Variants in TCF12 observed in about 807,000 individuals in gnomAD.
TCF12 encodes transcription factor 12, also known as DNA-binding protein HTF4.
Under a neutral mutation model 86.0 loss-of-function variants are expected in TCF12, and 45 were observed. The observed-to-expected ratio is 0.52, with a 90% CI of 0.41 to 0.67. TCF12 has a LOEUF of 0.67. Among genes scored for constraint, TCF12 ranks in the 30% least tolerant of loss-of-function variants. TCF12 has a pLI of 0.00. For synonymous variants in TCF12, 330 were observed against 299.6 expected (o/e 1.10, Z -1.05); for missense variants, 881 against 859.9 (o/e 1.02, Z -0.31).
intron 4 of TCF12, among the ~76,000 whole-genome samples, chr15:57,077,502 A>G (rs1187831401): frequency 2.0e-5 from 3 of 149,628 alleles, no homozygotes; most frequent in Non-Finnish European, 4.4e-5. Flanking sequence ...TGTTTAATTT[A>G]TTAACTAAAT....
At chr15:57,098,016 A>T (rs1358282953) in intron 5 of TCF12, among the ~76,000 whole-genome samples, 5 of 147,912 alleles carry the variant, frequency 3.4e-5, no homozygotes, top group East Asian at 3.9e-4. Context: ...ATACAAAAAA[A>T]AAAAAAAAAA....
chr15:57,030,160 GATTA>G (rs1195794842), intron 3 of TCF12, among the ~76,000 whole-genome samples: 4 of 152,088 alleles, frequency 2.6e-5, no homozygotes, highest in African/African-American at 9.7e-5. Context: ...TTAATTAATT[GATTA>G]ATCAGTTGAT....
At chr15:57,056,720 A>G (rs2068060099) in intron 3 of TCF12, among the ~76,000 whole-genome samples, 1 of 151,180 alleles carries the variant, frequency 6.6e-6, no homozygotes, top group Non-Finnish European at 1.5e-5. Flanking sequence ...TGGCCTCCCA[A>G]AGTGCTGGGA....
At chr15:57,105,968 C>T (rs1041160484) in intron 5 of TCF12, among the ~76,000 whole-genome samples, 9 of 152,250 alleles carry the variant, frequency 5.9e-5, no homozygotes, top group African/African-American at 2.2e-4. Context: ...ACATGGGAGA[C>T]AGTAACAGCT....
intron 8 of TCF12, among the ~76,000 whole-genome samples, chr15:57,209,034 A>G (rs1414735270): frequency 6.6e-6 from 1 of 152,208 alleles, no homozygotes; most frequent in Non-Finnish European, 1.5e-5. Context: ...TTTTTGTTGC[A>G]TAATTGTTGT....
chr15:57,050,656 A>C (rs1194388296), intron 3 of TCF12, among the ~76,000 whole-genome samples: 1 of 152,108 alleles, frequency 6.6e-6, no homozygotes, highest in East Asian at 1.9e-4. Context: ...CATTACATGC[A>C]TTTAGACCAT....
At chr15:57,049,362 T>C (rs1321886789) in intron 3 of TCF12, among the ~76,000 whole-genome samples, 10 of 152,228 alleles carry the variant, frequency 6.6e-5, no homozygotes, top group African/African-American at 2.4e-4. Flanking sequence ...AGATGTCTCA[T>C]GTCTGCTTCC....
intron 3 of TCF12, among the ~76,000 whole-genome samples, chr15:57,028,118 C>T (rs978398191): frequency 4.1e-4 from 62 of 152,268 alleles, no homozygotes; most frequent in African/African-American, 1.4e-3. Flanking sequence ...CACGCATCAC[C>T]ACACCCAGCT....
chr15:57,188,007 A>G (rs1225411858), intron 6 of TCF12, among the ~76,000 whole-genome samples: 2 of 152,126 alleles, frequency 1.3e-5, no homozygotes, highest in East Asian at 1.9e-4. Flanking sequence ...TTGTAAAAGA[A>G]GTAAAACTAT....
intron 3 of TCF12, among the ~76,000 whole-genome samples, chr15:56,922,607 T>G (rs2059842196): frequency 1.3e-5 from 2 of 152,146 alleles, no homozygotes; most frequent in South Asian, 4.1e-4. Context: ...TCACCATATT[T>G]GATTATTTGG....
At chr15:57,165,359 TC>T (rs1268261021) in intron 5 of TCF12, among the ~76,000 whole-genome samples, 1 of 152,150 alleles carries the variant, frequency 6.6e-6, no homozygotes, top group Non-Finnish European at 1.5e-5. Flanking sequence ...AATACAGGTT[TC>T]AAGATAAAAA....
chr15:57,103,800 T>A (rs12910170), intron 5 of TCF12, among the ~76,000 whole-genome samples: 56,571 of 151,926 alleles, frequency 0.37, 12,488 homozygotes, highest in Non-Finnish European at 0.49. Context: ...AGGTCAGGAG[T>A]TCGAGACCAG....
chr15:56,974,882 A>G (rs1382397346), intron 3 of TCF12, among the ~76,000 whole-genome samples: 1 of 152,108 alleles, frequency 6.6e-6, no homozygotes, highest in African/African-American at 2.4e-5. Context: ...GTGGTAAGGC[A>G]TTACCAAAAA....
chr15:57,281,515 A>C lies in TCF12; in HGVS notation c.1979-930A>C, dbSNP rs547153052. 5 of 152,364 alleles carry C rather than the reference A, an allele frequency of 3.3e-5. No individual in the cohort carries two copies. In the East Asian group the frequency reaches 7.7e-4, roughly 24 times the overall value. The allele number at this position is 152,364 out of a possible 1,614,324, so 9.4% of individuals were successfully genotyped here. On this transcript the variant is annotated intron_variant, in intron 19 of 20. Transcript: ENST00000333725. ...TGTTACGAACGAACGGGCTGGCTGC[A>C]CCGCAGGAGGTGAGCAGAGAGCAAT...
chr15:57,223,646 T>TTTTTTTTTTTGTTTTTTTTTG (rs1179154847), intron 8 of TCF12, among the ~76,000 whole-genome samples: 19 of 57,612 alleles, frequency 3.3e-4, no homozygotes, highest in African/African-American at 3.3e-3. Context: ...CAATGAGGTT[T>TTTTTTTTTTTGTTTTTTTTTG]TTTTTTTTTT....
At position 57,196,305 on chromosome 15, in the gene TCF12, T is replaced by A. The variant is rs80263725; in HGVS notation, c.527-1468T>A. On this transcript the variant is annotated intron_variant, in intron 7 of 20. Coordinates refer to ENST00000333725, the MANE Select transcript of TCF12 (RefSeq NM_207037.2). Reference sequence around the variant, plus strand: ...TAGTATTAGGTATTATACATAATAATGTAGAGATAATTTAAAGTATGTAAG... The same window carrying A: ...TAGTATTAGGTATTATACATAATAAAGTAGAGATAATTTAAAGTATGTAAG... Among the ~76,000 whole-genome samples, 48 of 152,326 alleles carry A rather than the reference T, an allele frequency of 3.2e-4. No homozygotes were observed. In the East Asian group the frequency reaches 9.1e-3, roughly 29 times the overall value.
intron 3 of TCF12, among the ~76,000 whole-genome samples, chr15:57,029,840 T>C (rs958491422): frequency 4.6e-5 from 7 of 152,228 alleles, no homozygotes; most frequent in African/African-American, 1.7e-4. Flanking sequence ...CAGTATGTAA[T>C]GTTTTGACAC....
At chr15:57,260,172 C>T (rs1315932157) in intron 16 of TCF12, among the ~76,000 whole-genome samples, 1 of 152,052 alleles carries the variant, frequency 6.6e-6, no homozygotes, top group African/African-American at 2.4e-5. Flanking sequence ...AAAAATATTT[C>T]CTGGTGTTTC....
At chr15:57,054,731 T>C (rs34346799) in intron 3 of TCF12, among the ~76,000 whole-genome samples, 1,950 of 151,692 alleles carry the variant, frequency 0.013, 23 homozygotes, top group Non-Finnish European at 0.021. Flanking sequence ...TGGGATTTTC[T>C]TAGGACTCCT....
Sources: allele counts gnomAD v4.1 joint callset (sites outside exome capture counted in the v4.1 genomes callset), GRCh38; gene constraint gnomAD v4.1.1; transcripts MANE v1.5; gene names NCBI Gene and HGNC (gene_info 2026-07-23, HGNC 2026-07-21).